Variants in CPAMD8 observed in about 807,000 individuals in gnomAD.
CPAMD8 encodes C3 and PZP like alpha-2-macroglobulin domain containing 8.
Under a neutral mutation model 224.7 loss-of-function variants are expected in CPAMD8, and 146 were observed. The ratio of observed to expected loss-of-function variants is 0.65; its 90% confidence interval spans 0.57 to 0.75. The LOEUF (loss-of-function observed/expected upper bound fraction) is 0.75, where lower values mean the gene tolerates loss of function less well. Ranked by LOEUF, CPAMD8 falls within the 30% of genes least tolerant of loss-of-function variation. The pLI is 0.00. For synonymous variants in CPAMD8, 966 were observed against 1,044.6 expected, an observed-to-expected ratio of 0.92 and a Z score of 1.45; for missense variants, 2,301 against 2,537.5, an observed-to-expected ratio of 0.91 and a Z score of 2.00.
chr19:17,026,770 G>A lies in CPAMD8; in HGVS notation c.-128C>T. The A allele has an allele frequency of 8.6e-7, 1 of 1,158,034 alleles. No individual in the cohort carries two copies. Among genetic ancestry groups the A allele is most frequent in the Non-Finnish European group, 1.1e-6 (1 of 941,526 alleles). The allele number at this position is 1,158,034 out of a possible 1,614,324, so 71.7% of individuals were successfully genotyped here. ...CCTTTGTTCGCAGCCCCCGCGCAGT[G>A]CGCCCGGCGCCATGCGCCCCGCTCC... is the stretch of plus-strand genomic sequence containing the variant. On this transcript the variant is annotated 5_prime_UTR_variant, in exon 1 of 42. Transcript: ENST00000443236.
intron 30 of CPAMD8, 132 bp downstream of exon 30, chr19:16,906,820 C>T: frequency 1.1e-6 from 1 of 911,966 alleles, no homozygotes; most frequent in South Asian, 1.6e-5. Context: ...AGCGATTCTC[C>T]TGCCTCAGCC....
intron 23 of CPAMD8, among the ~76,000 whole-genome samples, chr19:16,931,982 T>C (rs557230050): frequency 2.0e-5 from 3 of 152,244 alleles, no homozygotes; most frequent in African/African-American, 7.2e-5. Context: ...GAAGCGACTG[T>C]TACACCAAAC....
In CPAMD8 at chr19:16,921,931, C is replaced by T; in HGVS notation, c.3603G>A (p.Gly1201=). 1 of 1,546,854 alleles carries T rather than the reference C, an allele frequency of 6.5e-7. No homozygotes were observed. The highest frequency in any genetic ancestry group is 8.7e-7 in the Non-Finnish European group (1 of 1,146,720). Residue 1201 remains glycine, a synonymous_variant, in exon 27 of 42, where the codon GGG becomes GGA. Transcript: ENST00000443236. The part of the protein sequence containing the change: ...KRQDGSYSAF[G]ERDASGSMWL... ...ACATGCTCCCCGATGCGTCCCGCTC[C>T]CCAAACGCGCTGTAGGAGCCATCCT...
rs770750297 is a variant in CPAMD8, at chr19:16,947,126, C to T, written c.2610G>A (p.Glu870=). The change falls in exon 21 of 42, where the codon GAG becomes GAA. Residue 870 remains glutamate (E), a synonymous_variant. Coordinates refer to ENST00000443236, the MANE Select transcript of CPAMD8 (RefSeq NM_015692.5). ...KKMCVAPGEA[E]PIWVVLSFSD... Reference sequence around the variant, plus strand: ...TGAAGGACAGAACGACCCAGATGGGCTCAGCCTCCCCGGGGGCCACACACA... The same window carrying T: ...TGAAGGACAGAACGACCCAGATGGGTTCAGCCTCCCCGGGGGCCACACACA... The T allele has an allele frequency of 2.5e-6, 4 of 1,613,614 alleles. No homozygotes were observed. The African/African-American group carries it at 5.3e-5, about 22-fold the overall frequency.
chr19:17,024,380 C>T (rs1306853231), intron 1 of CPAMD8, among the ~76,000 whole-genome samples: 1 of 152,228 alleles, frequency 6.6e-6, no homozygotes, highest in Non-Finnish European at 1.5e-5. Context: ...TATTACATAA[C>T]TCCAGCACTG....
chr19:16,907,240 C>G lies in CPAMD8; in HGVS notation c.3862-123G>C. Reference sequence around the variant, plus strand: ...TGACTCCTAGCCCCTTGCTTTGCATCCTTCTGTGGCTCTCACTGCCTGCAG... The same window carrying G: ...TGACTCCTAGCCCCTTGCTTTGCATGCTTCTGTGGCTCTCACTGCCTGCAG... On this transcript the variant is annotated intron_variant, in intron 29 of 41. Coordinates refer to ENST00000443236, the MANE Select transcript of CPAMD8 (RefSeq NM_015692.5). The G allele has an allele frequency of 1.1e-5, 13 of 1,220,074 alleles. No individual in the cohort carries two copies. In the South Asian group the frequency reaches 3.0e-4, roughly 28 times the overall value. The allele number at this position is 1,220,074 out of a possible 1,614,324, so 75.6% of individuals were successfully genotyped here.
intron 26 of CPAMD8, among the ~76,000 whole-genome samples, chr19:16,924,341 C>T (rs974647665): frequency 6.6e-6 from 1 of 152,018 alleles, no homozygotes; most frequent in Admixed American, 6.6e-5. Flanking sequence ...TCCGGCTGTC[C>T]CCTGGAGGTA....
At chr19:17,013,628 G>C (rs944003521) in intron 3 of CPAMD8, among the ~76,000 whole-genome samples, 1 of 152,020 alleles carries the variant, frequency 6.6e-6, no homozygotes, top group East Asian at 1.9e-4. Flanking sequence ...AATCAGATGG[G>C]TGGTTGCTAG....
intron 27 of CPAMD8, 38 bp downstream of exon 27, chr19:16,921,867 G>T: frequency 7.2e-7 from 1 of 1,389,654 alleles, no homozygotes; most frequent in Non-Finnish European, 9.9e-7. Context: ...GTCGGGCGGG[G>T]AGCCTCAGAG....
At chr19:16,933,162 T>C (rs1357767671) in intron 23 of CPAMD8, among the ~76,000 whole-genome samples, 2 of 152,062 alleles carry the variant, frequency 1.3e-5, no homozygotes, top group Non-Finnish European at 2.9e-5. Flanking sequence ...ACATAAACTT[T>C]GATGCATATC....
At chr19:16,996,014 G>A (rs1471204171) in intron 11 of CPAMD8, among the ~76,000 whole-genome samples, 1 of 152,104 alleles carries the variant, frequency 6.6e-6, no homozygotes, top group East Asian at 1.9e-4. Context: ...GTGGGGTATG[G>A]TGGGGCATGC....
intron 3 of CPAMD8, among the ~76,000 whole-genome samples, chr19:17,012,061 C>T (rs1484823646): frequency 6.6e-6 from 1 of 151,728 alleles, no homozygotes; most frequent in East Asian, 1.9e-4. Context: ...ACTCTGTCGC[C>T]CAGGCTGGAG....
In CPAMD8 at chr19:16,903,692, G is replaced by A. The variant is rs780787118; in HGVS notation, c.4407+10C>T. On this transcript the variant is annotated intron_variant, in intron 33 of 41. Transcript: ENST00000443236. ...AACAACCCCCAAACCCTCATCCCAG[G>A]AACACGCACCGCTGCTGTCTGCAGA... The A allele has an allele frequency of 9.3e-6, 15 of 1,613,936 alleles. No individual in the cohort carries two copies. In the African/African-American group the frequency reaches 1.6e-4, roughly 17 times the overall value.
Position 16,938,486 on chromosome 19 carries a change from T to G in CPAMD8, c.2794-40A>C, listed in dbSNP as rs769109285. 25 of 1,272,232 alleles carry G rather than the reference T, an allele frequency of 2.0e-5. 1 individual carries two copies. In the South Asian group the frequency reaches 3.2e-4, roughly 16 times the overall value. 78.8% of individuals were successfully genotyped at this position (1,272,232 alleles called of 1,614,324 possible). On this transcript the variant is annotated intron_variant, in intron 22 of 41. Coordinates refer to ENST00000443236, the MANE Select transcript of CPAMD8 (RefSeq NM_015692.5). Reference sequence around the variant, plus strand: ...CAAGGAGAACTGAGTGCTGGGGCGGTGAGGGGGATGGTCAGCTCAGCGGAG... The same window carrying G: ...CAAGGAGAACTGAGTGCTGGGGCGGGGAGGGGGATGGTCAGCTCAGCGGAG...
intron 17 of CPAMD8, among the ~76,000 whole-genome samples, chr19:16,972,090 A>T (rs977829046): frequency 2.0e-5 from 3 of 151,970 alleles, no homozygotes; most frequent in Non-Finnish European, 2.9e-5. Context: ...GTGAGGGGAG[A>T]GCAGGGGAGG....
intron 39 of CPAMD8, 74 bp downstream of exon 39, chr19:16,897,617 T>C: frequency 2.4e-6 from 2 of 837,650 alleles, no homozygotes; most frequent in Non-Finnish European, 1.8e-6. Flanking sequence ...AGGGGAGCCC[T>C]CCCTGGCGTC....
chr19:16,977,279 C>T, intron 15 of CPAMD8, 89 bp downstream of exon 15: 1 of 785,808 alleles, frequency 1.3e-6, no homozygotes, highest in South Asian at 1.6e-5. Context: ...CAACATGAGT[C>T]TCAGGTGTGC....
intron 29 of CPAMD8, among the ~76,000 whole-genome samples, chr19:16,909,391 A>C (rs889548631): frequency 1.3e-5 from 2 of 152,104 alleles, no homozygotes; most frequent in African/African-American, 4.8e-5. Flanking sequence ...AAAAATACAA[A>C]AAATTAGCTG....
intron 7 of CPAMD8, among the ~76,000 whole-genome samples, chr19:17,007,909 T>C: frequency 6.6e-6 from 1 of 152,250 alleles, no homozygotes; most frequent in East Asian, 1.9e-4. Flanking sequence ...GGCTCACGCC[T>C]GTAATCCCAC....
Sources: allele counts gnomAD v4.1 joint callset (sites outside exome capture counted in the v4.1 genomes callset), GRCh38; gene constraint gnomAD v4.1.1; transcripts MANE v1.5; gene names NCBI Gene and HGNC (gene_info 2026-07-23, HGNC 2026-07-21).